KLHL13: variants seen among roughly 807,000 people sequenced by gnomAD.
KLHL13 encodes kelch like family member 13, also known as kelch-like protein 13.
Under a neutral mutation model 37.1 loss-of-function variants are expected in KLHL13, and 10 were observed. That is an observed-to-expected ratio of 0.27 (90% CI 0.17 to 0.46). The LOEUF (loss-of-function observed/expected upper bound fraction) is 0.46. Among genes scored for constraint, KLHL13 ranks in the 20% least tolerant of loss-of-function variants. The probability of loss-of-function intolerance (pLI) is 1.00; values close to 1 mark genes in which losing one functional copy is unlikely to be tolerated. For synonymous variants in KLHL13, 163 were observed against 181.2 expected (o/e 0.90, Z 0.81); for missense variants, 360 against 509.3 (o/e 0.71, Z 2.82).
exon 5 of KLHL13, chrX:117,909,586 T>C (rs758284246): frequency 8.3e-7 from 1 of 1,211,915 alleles, no homozygotes; most frequent in Admixed American, 2.2e-5. Flanking sequence ...TCATCATACA[T>C]GCGCAATTCC....
At position 118,021,300 on chromosome X, in the gene KLHL13, T is replaced by C. The variant is rs758456188; in HGVS notation, c.-55-75725A>G. Among the ~76,000 whole-genome samples, 6 of 105,603 alleles carry C rather than the reference T, an allele frequency of 5.7e-5. No individual in the cohort carries two copies. The South Asian group carries it at 2.8e-3, about 50-fold the overall frequency. 91.7% of individuals were successfully genotyped at this position (105,603 alleles called of 115,157 possible). On this transcript the variant is annotated intron_variant, in intron 1 of 6. Coordinates refer to the KLHL13 transcript ENST00000371882. Reference sequence around the variant, plus strand: ...ACATGTGCACAATGTGCAGGTTAGTTACATATGTATACATGTGCCATGTTG... The same window carrying C: ...ACATGTGCACAATGTGCAGGTTAGTCACATATGTATACATGTGCCATGTTG...
intron 2 of KLHL13, among the ~76,000 whole-genome samples, chrX:117,935,649 C>G (rs1932740513): frequency 9.0e-6 from 1 of 110,916 alleles, no homozygotes; most frequent in Non-Finnish European, 1.9e-5. Flanking sequence ...GGGGGAGGTG[C>G]TACACACTTT....
At chrX:117,903,529 C>G (rs1930289124) in intron 5 of KLHL13, among the ~76,000 whole-genome samples, 1 of 111,214 alleles carries the variant, frequency 9.0e-6, no homozygotes, top group Non-Finnish European at 1.9e-5. Flanking sequence ...TTACTATTTC[C>G]AGTCACTGGA....
chrX:117,913,636 G>C (rs1931136527), intron 4 of KLHL13, among the ~76,000 whole-genome samples: 1 of 111,637 alleles, frequency 9.0e-6, no homozygotes, highest in Admixed American at 9.5e-5. Flanking sequence ...ATGAGGTCAG[G>C]AGATCGAGAC....
In KLHL13 at chrX:118,036,891, T is replaced by G. The variant is rs762679434; in HGVS notation, c.-56+79617A>C. On this transcript the variant is annotated intron_variant, in intron 1 of 6. Transcript: ENST00000371882. ...GAATCTACAATGAACTCAAACAAATTTACAAGAAAAAAACAAACAACCCCA... is the reference window on the plus strand; with the variant it reads ...GAATCTACAATGAACTCAAACAAATGTACAAGAAAAAAACAAACAACCCCA... Among the ~76,000 whole-genome samples, 600 of 102,388 alleles carry G rather than the reference T, an allele frequency of 5.9e-3. 2 individuals carry two copies. The highest frequency in any genetic ancestry group is 0.021 in the African/African-American group (580 of 27,668). The allele number at this position is 102,388 out of a possible 115,157, so 88.9% of individuals were successfully genotyped here. A position where few individuals can be genotyped will look rare whatever the true frequency, so the allele number is the denominator to read the frequency against.
At chrX:118,068,956 G>C (rs1243114304) in intron 1 of KLHL13, among the ~76,000 whole-genome samples, 1 of 110,586 alleles carries the variant, frequency 9.0e-6, no homozygotes, top group Non-Finnish European at 1.9e-5. Context: ...TCCCTCCTGG[G>C]GAACCCATAC....
intron 1 of KLHL13, chrX:117,946,956 G>C (rs1933352568): frequency 1.8e-5 from 2 of 111,622 alleles, no homozygotes; most frequent in Admixed American, 9.6e-5. Context: ...TAGAGCCATA[G>C]TATAACCAAA....
exon 7 of KLHL13, chrX:117,898,800 A>C: frequency 4.6e-6 from 4 of 868,054 alleles, no homozygotes; most frequent in Non-Finnish European, 6.4e-6. Flanking sequence ...ATCTGTATCA[A>C]TTACCAGAGG....
upstream of KLHL13, among the ~76,000 whole-genome samples, chrX:117,975,023 GT>G (rs1003035263): frequency 4.5e-5 from 5 of 110,940 alleles, no homozygotes; most frequent in African/African-American, 1.3e-4. Context: ...ATATTTAAAA[GT>G]TTTTTTTAAC....
upstream of KLHL13, among the ~76,000 whole-genome samples, chrX:117,977,941 A>G (rs2053612585): frequency 8.9e-6 from 1 of 112,270 alleles, no homozygotes; most frequent in African/African-American, 3.2e-5. Flanking sequence ...ATATGACTAT[A>G]TATTCGTGCA....
intron 1 of KLHL13, among the ~76,000 whole-genome samples, chrX:118,033,966 A>C (rs1373113542): frequency 1.0e-4 from 10 of 99,218 alleles, no homozygotes; most frequent in Non-Finnish European, 1.6e-4. Context: ...ACAGACTTTA[A>C]ACCAACAAAG....
intron 1 of KLHL13, among the ~76,000 whole-genome samples, chrX:117,959,430 C>T (rs1329010556): frequency 8.9e-6 from 1 of 112,270 alleles, no homozygotes; most frequent in African/African-American, 3.2e-5. Context: ...TAATTAAGAA[C>T]ATGTTTCACT....
intron 1 of KLHL13, among the ~76,000 whole-genome samples, chrX:118,092,253 C>T (rs748791783): frequency 3.2e-4 from 36 of 111,850 alleles, no homozygotes; most frequent in African/African-American, 1.1e-3. Flanking sequence ...CTCTAAACCA[C>T]ATCATAATCA....
chrX:117,918,482 T>A (rs2147685410), intron 4 of KLHL13, among the ~76,000 whole-genome samples: 1 of 111,508 alleles, frequency 9.0e-6, no homozygotes, highest in Admixed American at 9.5e-5. Context: ...AGAAAACATA[T>A]CCATCAACAT....
intron 1 of KLHL13, among the ~76,000 whole-genome samples, chrX:118,018,503 C>G (rs1285999325): frequency 1.8e-5 from 2 of 111,746 alleles, no homozygotes; most frequent in Non-Finnish European, 3.8e-5. Context: ...AATGGAGATA[C>G]ATTTCTTTCA....
In KLHL13 at chrX:117,919,730, G is replaced by A. The variant is rs1243781802; in HGVS notation, c.374-13C>T. 8.8e-7 allele frequency: 1 copy of A among 1,135,471 alleles called. No homozygotes were observed. The highest frequency in any genetic ancestry group is 1.2e-6 in the Non-Finnish European group (1 of 835,703). The allele number at this position is 1,135,471 out of a possible 1,213,427, so 93.6% of individuals were successfully genotyped here. On this transcript the variant is annotated splice_polypyrimidine_tract_variant and intron_variant, in intron 3 of 6. Coordinates refer to ENST00000262820, the Ensembl canonical transcript of KLHL13. ...TCTTTCATTCCACCTTAAATAAAAA[G>A]ACATTCAATTAAATGAAGGTGGATA...
At chrX:117,977,904 G>A (rs985234339), upstream of KLHL13, among the ~76,000 whole-genome samples, 1 of 112,138 alleles carries the variant, frequency 8.9e-6, no homozygotes, top group African/African-American at 3.2e-5. Flanking sequence ...ACATGCATGT[G>A]TGTTTGTGTG....
chrX:117,987,078 G>C (rs61910748), intron 1 of KLHL13, among the ~76,000 whole-genome samples: 3,576 of 111,349 alleles, frequency 0.032, 140 homozygotes, highest in African/African-American at 0.11. Flanking sequence ...CAACTCTAAA[G>C]TACTATGCAA....
chrX:118,094,589 C>CA (rs1386816565), intron 1 of KLHL13, among the ~76,000 whole-genome samples: 1 of 109,668 alleles, frequency 9.1e-6, no homozygotes, highest in Non-Finnish European at 1.9e-5. Flanking sequence ...ACATAATTGT[C>CA]AGATTCACCA....
Sources: allele counts gnomAD v4.1 joint callset (sites outside exome capture counted in the v4.1 genomes callset), GRCh38; gene constraint gnomAD v4.1.1; transcripts MANE v1.5; gene names NCBI Gene and HGNC (gene_info 2026-07-23, HGNC 2026-07-21).